Variants in STK32A observed in about 807,000 individuals in gnomAD.
STK32A encodes serine/threonine kinase 32A.
A neutral mutation model predicts 53.2 loss-of-function variants in STK32A; 41 were observed. The observed-to-expected ratio is 0.77, with a 90% confidence interval of 0.60 to 1.00. The LOEUF (loss-of-function observed/expected upper bound fraction) is 1.00, where lower values mean the gene tolerates loss of function less well. STK32A is among the 50% of genes least tolerant of loss of function. The pLI is 0.00. For missense variants in STK32A, 458 were observed against 485.8 expected (o/e 0.94, Z 0.54); for synonymous variants, 166 against 162.8 (o/e 1.02, Z -0.15).
chr5:147,314,190 G>T (rs1230495748), intron 4 of STK32A, among the ~76,000 whole-genome samples: 1 of 152,056 alleles, frequency 6.6e-6, no homozygotes, highest in African/African-American at 2.4e-5. Context: ...ATCTACTAAA[G>T]GATGTGCATT....
rs1232837231 is a variant in STK32A, at chr5:147,259,937, G to GTC, written c.53-18174_53-18173dup. Among the ~76,000 whole-genome samples the GTC allele has an allele frequency of 6.9e-5, 7 of 102,002 alleles. No individual in the cohort carries two copies. The East Asian group carries it at 1.4e-3, about 21-fold the overall frequency. The allele number at this position is 102,002 out of a possible 152,430, so 66.9% of individuals were successfully genotyped here. A position where few individuals can be genotyped will look rare whatever the true frequency, so the allele number is the denominator to read the frequency against. ...CCCCTCTTGTCTCTCACTCCTGGCT[G>GTC]TCTCTCTCTCTCTCCTCTCTGTCTC... On this transcript the variant is annotated intron_variant, in intron 2 of 12. Coordinates refer to ENST00000397936, the MANE Select transcript of STK32A (RefSeq NM_001112724.2).
chr5:147,373,240 T>C lies in STK32A; in HGVS notation c.849T>C (p.Asp283=), dbSNP rs578068662. Residue 283 remains aspartate (D), a synonymous_variant, in exon 10 of 13, where the codon GAT becomes GAC. Transcript: ENST00000397936. ...SDVQNFPYMN[D]INWDAVFQKR... ...TCCAGAACTTCCCGTATATGAATGA[T>C]ATAAACTGGGATGCAGTTTTTCAGA... 1 of 1,613,518 alleles carries C rather than the reference T, an allele frequency of 6.2e-7. No individual in the cohort carries two copies. The highest frequency in any genetic ancestry group is 8.5e-7 in the Non-Finnish European group (1 of 1,179,590).
At chr5:147,303,351 G>A (rs1436811202) in intron 4 of STK32A, among the ~76,000 whole-genome samples, 3 of 152,118 alleles carry the variant, frequency 2.0e-5, no homozygotes, top group Admixed American at 6.5e-5. Flanking sequence ...CCTTGAAGGC[G>A]GGGGCTAGCC....
At chr5:147,399,045 C>T in the STK32A span, 2 of 1,602,320 alleles carry the variant, frequency 1.2e-6, no homozygotes, top group South Asian at 1.1e-5. Flanking sequence ...TGCATGCATT[C>T]TCCATTCTAC....
At chr5:147,379,122 T>C (rs916208097) in intron 11 of STK32A, among the ~76,000 whole-genome samples, 7 of 151,856 alleles carry the variant, frequency 4.6e-5, no homozygotes, top group Non-Finnish European at 7.4e-5. Context: ...GTATTTCTCC[T>C]TGAAGAGGTC....
chr5:147,387,908 G>C (rs1009572839), downstream of STK32A: 1 of 152,098 alleles, frequency 6.6e-6, no homozygotes, highest in Non-Finnish European at 1.5e-5. Flanking sequence ...GTGTGTAATT[G>C]TTTTCTCCAG....
chr5:147,269,512 A>T (rs1447450423), intron 2 of STK32A, among the ~76,000 whole-genome samples: 1 of 152,200 alleles, frequency 6.6e-6, no homozygotes, highest in African/African-American at 2.4e-5. Flanking sequence ...AACTGTTTCC[A>T]TGTCGAATTG....
intron 1 of STK32A, among the ~76,000 whole-genome samples, chr5:147,235,606 A>T (rs1753278383): frequency 6.6e-6 from 1 of 152,232 alleles, no homozygotes; most frequent in South Asian, 2.1e-4. Context: ...AAAAAGCTAA[A>T]ATCAGAGCTG....
intron 4 of STK32A, among the ~76,000 whole-genome samples, chr5:147,313,971 G>A (rs536317435): frequency 2.0e-5 from 3 of 151,926 alleles, no homozygotes; most frequent in East Asian, 3.9e-4. Flanking sequence ...AAAATTCTTC[G>A]AAGAAAATAC....
At chr5:147,295,450 T>TA (rs1752824605) in intron 4 of STK32A, among the ~76,000 whole-genome samples, 1 of 152,242 alleles carries the variant, frequency 6.6e-6, no homozygotes, top group Non-Finnish European at 1.5e-5. Flanking sequence ...ACCCGAAAGC[T>TA]AAAACAGAGA....
intron 2 of STK32A, among the ~76,000 whole-genome samples, chr5:147,262,732 G>C (rs1328473011): frequency 1.3e-5 from 2 of 152,146 alleles, no homozygotes; most frequent in African/African-American, 4.8e-5. Flanking sequence ...CAAGGATGAA[G>C]AGACAGGCAG....
At chr5:147,375,415 G>A (rs754980419) in intron 11 of STK32A, 197 bp downstream of exon 11, 9 of 522,288 alleles carry the variant, frequency 1.7e-5, no homozygotes, top group Non-Finnish European at 2.9e-5. Flanking sequence ...TTTACTTGTA[G>A]GCTTTCCGTC....
At chr5:147,357,152 A>C (rs1165819342) in intron 7 of STK32A, among the ~76,000 whole-genome samples, 2 of 151,860 alleles carry the variant, frequency 1.3e-5, no homozygotes, top group African/African-American at 4.8e-5. Context: ...AAATTAATTA[A>C]TTTGATTAAT....
chr5:147,245,835 C>T (rs1753750233), intron 2 of STK32A, among the ~76,000 whole-genome samples: 1 of 152,196 alleles, frequency 6.6e-6, no homozygotes, highest in Non-Finnish European at 1.5e-5. Context: ...TTTGGCAACA[C>T]CATCTCCTAG....
intron 2 of STK32A, among the ~76,000 whole-genome samples, chr5:147,272,020 G>T (rs1197676278): frequency 2.0e-5 from 3 of 152,108 alleles, no homozygotes; most frequent in African/African-American, 7.2e-5. Flanking sequence ...CAGCTCGGGG[G>T]CATCACGGAA....
chr5:147,238,376 C>A (rs968180334), intron 1 of STK32A, among the ~76,000 whole-genome samples: 7 of 152,164 alleles, frequency 4.6e-5, no homozygotes, highest in Non-Finnish European at 8.8e-5. Context: ...CCCAGCTTGT[C>A]ACTCCTGAGG....
chr5:147,399,332 A>G, the STK32A span: 1 of 1,474,130 alleles, frequency 6.8e-7, no homozygotes, highest in Non-Finnish European at 9.0e-7. Context: ...AGAGAAAGAC[A>G]ACCCACAAAG....
intron 4 of STK32A, among the ~76,000 whole-genome samples, chr5:147,304,303 A>G (rs1024849018): frequency 6.6e-6 from 1 of 152,336 alleles, no homozygotes; most frequent in Middle Eastern, 3.4e-3. Flanking sequence ...CTGGATTGTT[A>G]GCCTAAGCAA....
chr5:147,350,488 A>G (rs992050800), intron 6 of STK32A, among the ~76,000 whole-genome samples: 4 of 151,808 alleles, frequency 2.6e-5, no homozygotes, highest in South Asian at 2.1e-4. Context: ...CAGCCTCCCA[A>G]GTAGCTGGGA....
Sources: allele counts gnomAD v4.1 joint callset (sites outside exome capture counted in the v4.1 genomes callset), GRCh38; gene constraint gnomAD v4.1.1; transcripts MANE v1.5; gene names NCBI Gene and HGNC (gene_info 2026-07-23, HGNC 2026-07-21).